The following FMO4 variants were observed in gnomAD, a reference collection of about 807,000 sequenced individuals.
The protein encoded by FMO4 is flavin containing dimethylaniline monoxygenase 4.
In FMO4, 38 loss-of-function variants were observed where a neutral mutation model predicts 43.3. That is an observed-to-expected ratio of 0.88 (90% CI 0.68 to 1.15). The LOEUF is 1.15. Among genes scored for constraint, FMO4 ranks in the 50% most tolerant of loss-of-function variants. FMO4 has a pLI of 0.00. For synonymous variants in FMO4, 224 were observed against 232.2 expected (o/e 0.96, Z 0.32); for missense variants, 631 against 663.3 (o/e 0.95, Z 0.54).
intron 7 of FMO4, chr1:171,333,177 T>TTTGTTGTTG (rs565862338): frequency 5.1e-4 from 154 of 304,866 alleles, no homozygotes; most frequent in African/African-American, 3.2e-3. Context: ...ATCACATATT[T>TTTGTTGTTG]TTGTTGTTGT....
At chr1:171,331,552 C>T (rs1451238641) in intron 5 of FMO4, 88 bp from the exon 6 acceptor site, 1 of 1,296,130 alleles carries the variant, frequency 7.7e-7, no homozygotes, top group Non-Finnish European at 1.1e-6. Context: ...AGTTGTGGGA[C>T]TTCCCTTTTT....
At chr1:171,334,032 T>C (rs1663008484) in intron 7 of FMO4, among the ~76,000 whole-genome samples, 1 of 152,128 alleles carries the variant, frequency 6.6e-6, no homozygotes. Context: ...CCTTGCTAAT[T>C]TCCTGTCTGC....
chr1:171,327,507 A>G (rs1306351478), intron 5 of FMO4, among the ~76,000 whole-genome samples: 1 of 152,132 alleles, frequency 6.6e-6, no homozygotes, highest in Non-Finnish European at 1.5e-5. Flanking sequence ...CAAAACAAAA[A>G]CAAACAGGGA....
intron 2 of FMO4, 37 bp from the exon 3 acceptor site, chr1:171,319,781 T>A: frequency 6.2e-7 from 1 of 1,603,420 alleles, no homozygotes; most frequent in East Asian, 2.2e-5. Context: ...TCCAAACTTA[T>A]TAAATAAAGA....
intron 2 of FMO4, among the ~76,000 whole-genome samples, chr1:171,316,874 G>A (rs1174356540): frequency 1.3e-5 from 2 of 152,134 alleles, no homozygotes; most frequent in Non-Finnish European, 2.9e-5. Flanking sequence ...AGGGTTCCTG[G>A]AGGACTCAGG....
At chr1:171,322,777 C>T (rs928830020) in intron 3 of FMO4, among the ~76,000 whole-genome samples, 4 of 152,166 alleles carry the variant, frequency 2.6e-5, no homozygotes, top group South Asian at 2.1e-4. Context: ...CGCTTGAACC[C>T]GGGAGGCAGA....
rs1662498695 is a variant in FMO4 at position 171,323,009 on chromosome 1, T to C, written c.138T>C (p.Ser46=). The change falls in exon 4 of 10, where the codon TCT becomes TCC. Residue 46 remains serine, a synonymous_variant. Coordinates refer to ENST00000367749, the MANE Select transcript of FMO4 (RefSeq NM_002022.3). ...TAACTATGCCTTCACCACAGGAATC[T>C]TCCAAAGATGGGATGACCAGGGTCT... ...DIGGLWKFTE[S]SKDGMTRVYK... 1.2e-6 allele frequency: 2 copies of C among 1,612,370 alleles called. No homozygotes were observed. The highest frequency in any genetic ancestry group is 1.7e-6 in the Non-Finnish European group (2 of 1,178,838).
intron 8 of FMO4, among the ~76,000 whole-genome samples, chr1:171,335,721 C>CA (rs968199832): frequency 1.8e-4 from 27 of 148,802 alleles, no homozygotes; most frequent in South Asian, 1.1e-3. Flanking sequence ...TAAGTTGGCA[C>CA]AAAAAAAAAT....
At position 171,324,249 on chromosome 1, in the gene FMO4, G is replaced by T; in HGVS notation, c.433G>T (p.Val145Phe). ...QNRAVFDAVM[V>F]CTGHFLNPHL... Reference sequence around the variant, plus strand: ...TAGAGCTGTCTTTGATGCTGTTATGGTTTGCACTGGACATTTCCTGAATCC... The same window carrying T: ...TAGAGCTGTCTTTGATGCTGTTATGTTTTGCACTGGACATTTCCTGAATCC... Residue 145 changes from valine (V) to phenylalanine (F), a missense_variant, in exon 5 of 10, where the codon GTT (valine) becomes TTT (phenylalanine). Physicochemically the swap from Val to Phe is conservative, Grantham distance 50. Transcript: ENST00000367749. The T allele has an allele frequency of 6.2e-7, 1 of 1,613,094 alleles. No individual in the cohort carries two copies. The highest frequency in any genetic ancestry group is 8.5e-7 in the Non-Finnish European group (1 of 1,179,530).
At chr1:171,338,084 A>G (rs1460235795) in intron 9 of FMO4, among the ~76,000 whole-genome samples, 1 of 152,036 alleles carries the variant, frequency 6.6e-6, no homozygotes, top group Non-Finnish European at 1.5e-5. Flanking sequence ...ATCTCAGTTC[A>G]TAGCTACTCA....
intron 5 of FMO4, among the ~76,000 whole-genome samples, chr1:171,326,933 C>A (rs988025938): frequency 1.3e-5 from 2 of 152,098 alleles, no homozygotes; most frequent in African/African-American, 4.8e-5. Context: ...AAATATATTT[C>A]TTTTTTACTT....
At chr1:171,335,116 G>A (rs1418568576) in intron 8 of FMO4, among the ~76,000 whole-genome samples, 1 of 152,106 alleles carries the variant, frequency 6.6e-6, no homozygotes, top group Non-Finnish European at 1.5e-5. Context: ...TGCTTCCAAA[G>A]AAAGATATTG....
chr1:171,325,924 T>C (rs1351746733), intron 5 of FMO4, among the ~76,000 whole-genome samples: 2 of 135,198 alleles, frequency 1.5e-5, no homozygotes, highest in South Asian at 2.7e-4. Context: ...CTAGGCTCAC[T>C]GCAGCCTCAA....
rs773375083 is a variant in FMO4, at chr1:171,334,602, C to G, written c.1019C>G (p.Pro340Arg). Residue 340 changes from proline to arginine, a missense_variant, in exon 8 of 10, where the codon CCT becomes CGT. By Grantham distance (103) the Pro-to-Arg change is moderately radical. Coordinates refer to ENST00000367749, the MANE Select transcript of FMO4 (RefSeq NM_002022.3). ...TTTTCTTTTCCATTTTTTGAAGAAC[C>G]TCTTAAAAGCCTCTGTACAAAGAAG... ...YTFSFPFFEE[P>R]LKSLCTKKIF... 3.7e-6 allele frequency: 6 copies of G among 1,613,130 alleles called. No individual in the cohort carries two copies. The highest frequency in any genetic ancestry group is 5.1e-6 in the Non-Finnish European group (6 of 1,179,362).
At chr1:171,328,179 T>C (rs988407446) in intron 5 of FMO4, among the ~76,000 whole-genome samples, 23 of 152,030 alleles carry the variant, frequency 1.5e-4, no homozygotes, top group Non-Finnish European at 2.8e-4. Context: ...TAGCTGGGAT[T>C]ACAGGTGCCC....
chr1:171,331,733 G>A lies in FMO4; in HGVS notation c.578G>A (p.Gly193Glu). 1 of 1,613,920 alleles carries A rather than the reference G, an allele frequency of 6.2e-7. No homozygotes were observed. Among genetic ancestry groups the A allele is most frequent in the Non-Finnish European group, 8.5e-7 (1 of 1,179,884 alleles). The change falls in exon 6 of 10, where the codon GGG becomes GAG. Residue 193 changes from glycine to glutamate, a missense_variant. Transcript: ENST00000367749. ...QGKRVLVIGL[G>E]NTGGDIAVEL... Reference sequence around the variant, plus strand: ...AAACGCGTCTTGGTGATTGGTCTTGGGAACACTGGAGGAGACATTGCTGTG... The same window carrying A: ...AAACGCGTCTTGGTGATTGGTCTTGAGAACACTGGAGGAGACATTGCTGTG...
At position 171,332,775 on chromosome 1, in the gene FMO4, A is replaced by C; in HGVS notation, c.694A>C (p.Asn232His). ...CTCTTCAGATTGGGGCTATCCTTATAATATGATGGTTACAAGAAGATGCTG... is the reference window on the plus strand; with the variant it reads ...CTCTTCAGATTGGGGCTATCCTTATCATATGATGGTTACAAGAAGATGCTG... ...GRSSDWGYPYNMMVTRRCCSF... is the reference protein window; with the variant it reads ...GRSSDWGYPYHMMVTRRCCSF... The change falls in exon 7 of 10, where the codon AAT becomes CAT. Residue 232 changes from asparagine to histidine, a missense_variant. Physicochemically the swap from Asn to His is moderately conservative, Grantham distance 68. Transcript: ENST00000367749. 1.2e-6 allele frequency: 2 copies of C among 1,612,786 alleles called. No homozygotes were observed. Among genetic ancestry groups the C allele is most frequent in the Non-Finnish European group, 1.7e-6 (2 of 1,178,886 alleles).
In FMO4 at chr1:171,334,763, G is replaced by C; in HGVS notation, c.1180G>C (p.Gly394Arg). ...QARWVTRVFKGLCKIPPSQKL... is the reference protein window; with the variant it reads ...QARWVTRVFKRLCKIPPSQKL... ...ACGATGGGTCACAAGAGTATTCAAAGGTACCATGACTCTACTGAAAGTCCT... is the reference window on the plus strand; with the variant it reads ...ACGATGGGTCACAAGAGTATTCAAACGTACCATGACTCTACTGAAAGTCCT... The change falls in exon 8 of 10, where the codon GGA becomes CGA. Residue 394 changes from glycine to arginine, a missense_variant and splice_region_variant. Transcript: ENST00000367749. 6.5e-7 allele frequency: 1 copy of C among 1,531,334 alleles called. No homozygotes were observed. Among genetic ancestry groups the C allele is most frequent in the Non-Finnish European group, 8.8e-7 (1 of 1,138,224 alleles). 94.9% of individuals were successfully genotyped at this position (1,531,334 alleles called of 1,614,324 possible). A position where few individuals can be genotyped will look rare whatever the true frequency, so the allele number is the denominator to read the frequency against.
chr1:171,339,139 A>C (rs1048735843), intron 9 of FMO4, among the ~76,000 whole-genome samples: 4 of 152,216 alleles, frequency 2.6e-5, no homozygotes, highest in African/African-American at 4.8e-5. Context: ...ACGTACACCA[A>C]GTATGGCCTT....
Sources: gnomAD v4.1 joint callset for allele counts (sites outside exome capture counted in the v4.1 genomes callset) on GRCh38, gnomAD v4.1.1 for gene constraint, MANE v1.5 for transcripts, NCBI Gene and HGNC (gene_info 2026-07-23, HGNC 2026-07-21) for gene names.